NDST3: variants seen among roughly 807,000 people sequenced by gnomAD.
NDST3 encodes the protein bifunctional heparan sulfate N-deacetylase/N-sulfotransferase 3.
In NDST3, 58 loss-of-function variants were observed where a neutral mutation model predicts 96.1. That is an observed-to-expected ratio of 0.60 (90% CI 0.49 to 0.75). The LOEUF (loss-of-function observed/expected upper bound fraction) is 0.75, where lower values mean the gene tolerates loss of function less well. NDST3 is among the 30% of genes least tolerant of loss of function. The probability of loss-of-function intolerance (pLI) is 0.00; values close to 1 mark genes in which losing one functional copy is unlikely to be tolerated. For missense variants in NDST3, 788 were observed against 1,034.2 expected, an observed-to-expected ratio of 0.76 and a Z score of 3.27; for synonymous variants, 333 against 359.7, an observed-to-expected ratio of 0.93 and a Z score of 0.84.
At chr4:118,095,383 G>C (rs1161625099) in intron 2 of NDST3, among the ~76,000 whole-genome samples, 1 of 151,820 alleles carries the variant, frequency 6.6e-6, no homozygotes, top group Non-Finnish European at 1.5e-5. Flanking sequence ...CTTCCCAACA[G>C]TTCATTGTGT....
intron 6 of NDST3, among the ~76,000 whole-genome samples, chr4:118,170,420 A>G (rs547350292): frequency 2.0e-5 from 3 of 152,244 alleles, no homozygotes; most frequent in Admixed American, 2.0e-4. Flanking sequence ...TAAAAAATAA[A>G]GAGAGAGACC....
intron 2 of NDST3, among the ~76,000 whole-genome samples, chr4:118,063,866 T>A (rs1051120822): frequency 2.6e-5 from 4 of 152,236 alleles, no homozygotes; most frequent in African/African-American, 4.8e-5. Context: ...CTTTTCCACC[T>A]CATGTGCTTC....
chr4:118,245,765 T>C (rs996387689), intron 12 of NDST3, among the ~76,000 whole-genome samples: 3 of 152,166 alleles, frequency 2.0e-5, no homozygotes, highest in Admixed American at 2.0e-4. Context: ...TCAAAATAAA[T>C]ATACATTTAT....
At chr4:118,143,225 T>G (rs765902341) in intron 5 of NDST3, among the ~76,000 whole-genome samples, 8 of 152,176 alleles carry the variant, frequency 5.3e-5, no homozygotes, top group Non-Finnish European at 1.2e-4. Flanking sequence ...TTTTAAAGTC[T>G]CATTTTTACT....
chr4:118,085,439 G>A (rs151031020), intron 2 of NDST3, among the ~76,000 whole-genome samples: 7 of 152,198 alleles, frequency 4.6e-5, no homozygotes, highest in Non-Finnish European at 8.8e-5. Flanking sequence ...AAATTGTTCT[G>A]GTTTGTAATT....
rs114369245 is a variant in NDST3 at position 118,059,159 on chromosome 4, T to C, written c.981+4268T>C. Among the ~76,000 whole-genome samples the C allele has an allele frequency of 6.6e-3, 1,004 of 152,180 alleles. 8 individuals carry two copies. The highest frequency in any genetic ancestry group is 0.023 in the African/African-American group (962 of 41,542). ...AAAATTCCTAACATTCTTCGGAAAATGAAGAACCCGCCCAGTCACATCTGA... is the reference window on the plus strand; with the variant it reads ...AAAATTCCTAACATTCTTCGGAAAACGAAGAACCCGCCCAGTCACATCTGA... On this transcript the variant is annotated intron_variant, in intron 2 of 13. Coordinates refer to ENST00000296499, the MANE Select transcript of NDST3 (RefSeq NM_004784.3).
chr4:118,224,619 A>C lies in NDST3; in HGVS notation c.1668A>C (p.Gln556His), dbSNP rs751523298. Reference sequence around the variant, plus strand: ...GACTTCAGACTCTGCCTCCAGTACAACTGGCCCACAAGTATTTTGAGCTGT... The same window carrying C: ...GACTTCAGACTCTGCCTCCAGTACACCTGGCCCACAAGTATTTTGAGCTGT... ...NLRLQTLPPV[Q>H]LAHKYFELFP... The change falls in exon 7 of 14, where the codon CAA becomes CAC. Residue 556 changes from glutamine to histidine, a missense_variant. Gln to His is a conservative substitution (Grantham distance 24). Around this residue, in one of 3 missense-constraint regions of NDST3, gnomAD observed 490 missense variants for 708.8 expected, o/e 0.69. Coordinates refer to ENST00000296499, the MANE Select transcript of NDST3 (RefSeq NM_004784.3). 1 of 1,611,602 alleles carries C rather than the reference A, an allele frequency of 6.2e-7. No individual in the cohort carries two copies. Among genetic ancestry groups the C allele is most frequent in the East Asian group, 2.2e-5 (1 of 44,856 alleles).
intron 6 of NDST3, among the ~76,000 whole-genome samples, chr4:118,163,531 C>T (rs1049997258): frequency 1.1e-4 from 17 of 151,800 alleles, no homozygotes; most frequent in African/African-American, 4.8e-5. Context: ...TATTCTCACT[C>T]ATAGGTGGGA....
chr4:118,138,132 T>C lies in NDST3; in HGVS notation c.1303T>C (p.Tyr435His), dbSNP rs1177620695. Residue 435 changes from tyrosine (Y) to histidine (H), a missense_variant, in exon 5 of 14, where the codon TAT becomes CAT. Physicochemically the swap from Tyr to His is moderately conservative, Grantham distance 83. Around this residue, in one of 3 missense-constraint regions of NDST3, gnomAD observed 490 missense variants for 708.8 expected, o/e 0.69. Coordinates refer to ENST00000296499, the MANE Select transcript of NDST3 (RefSeq NM_004784.3). ...CGTCTACCCTGTACATGTTCAGCTT[T>C]ATGAGGCCTGGAAGAAGGTCTGGAA... ...SGVYPVHVQL[Y>H]EAWKKVWNIK... 1.2e-6 allele frequency: 2 copies of C among 1,614,028 alleles called. No homozygotes were observed. The highest frequency in any genetic ancestry group is 1.7e-5 in the Admixed American group (1 of 60,008).
At chr4:118,108,311 A>AT (rs1395466233) in intron 3 of NDST3, among the ~76,000 whole-genome samples, 1 of 152,154 alleles carries the variant, frequency 6.6e-6, no homozygotes, top group Non-Finnish European at 1.5e-5. Context: ...TTTTTACTAA[A>AT]TTTTTTCTGA....
intron 2 of NDST3, among the ~76,000 whole-genome samples, chr4:118,095,764 C>T (rs542268407): frequency 6.6e-6 from 1 of 151,888 alleles, no homozygotes; most frequent in Non-Finnish European, 1.5e-5. Flanking sequence ...CACCAATCTA[C>T]TCTCTCTATC....
intron 6 of NDST3, among the ~76,000 whole-genome samples, chr4:118,158,337 A>C (rs1442267445): frequency 1.3e-5 from 2 of 152,204 alleles, no homozygotes; most frequent in African/African-American, 2.4e-5. Flanking sequence ...AAAAAGGGAA[A>C]CAGTCACTCA....
At chr4:118,069,550 G>T (rs151212752) in intron 2 of NDST3, among the ~76,000 whole-genome samples, 2 of 151,852 alleles carry the variant, frequency 1.3e-5, no homozygotes, top group African/African-American at 4.8e-5. Flanking sequence ...CACGCACTTT[G>T]TAATGAAAAT....
intron 6 of NDST3, among the ~76,000 whole-genome samples, chr4:118,176,685 A>G (rs537959881): frequency 6.6e-6 from 1 of 152,232 alleles, no homozygotes; most frequent in South Asian, 2.1e-4. Context: ...ATTAAGAAAT[A>G]TTTATTAAAC....
chr4:118,225,201 C>T (rs1267793139), intron 7 of NDST3, among the ~76,000 whole-genome samples: 1 of 152,158 alleles, frequency 6.6e-6, no homozygotes. Context: ...GGGAAAATCA[C>T]TGAGCTTCTT....
intron 2 of NDST3, among the ~76,000 whole-genome samples, chr4:118,101,775 C>T (rs1232859379): frequency 6.6e-6 from 1 of 152,012 alleles, no homozygotes; most frequent in Non-Finnish European, 1.5e-5. Flanking sequence ...TTCATAACTA[C>T]ATAAGTATGT....
At chr4:118,137,450 A>AT (rs1241297691) in intron 4 of NDST3, among the ~76,000 whole-genome samples, 1 of 151,926 alleles carries the variant, frequency 6.6e-6, no homozygotes, top group African/African-American at 2.4e-5. Flanking sequence ...AACTTTCACT[A>AT]TAAGGGCTTC....
intron 4 of NDST3, among the ~76,000 whole-genome samples, chr4:118,135,602 T>C (rs1247862964): frequency 6.6e-6 from 1 of 152,182 alleles, no homozygotes; most frequent in East Asian, 1.9e-4. Context: ...TTAGAGCTCA[T>C]AGGTCATTTG....
At position 118,163,153 on chromosome 4, in the gene NDST3, G is replaced by A. The variant is rs1256758172; in HGVS notation, c.1539+19469G>A. 3.3e-5 allele frequency among the ~76,000 whole-genome samples: 5 copies of A among 152,158 alleles called. No individual in the cohort carries two copies. In the East Asian group the frequency reaches 5.8e-4, roughly 18 times the overall value. ...TTGGAACACTTCTACACTGTTGGTG[G>A]GACTGTAAACTAGTTCAACCATTGT... On this transcript the variant is annotated intron_variant, in intron 6 of 13. Transcript: ENST00000296499.
Sources: allele counts gnomAD v4.1 joint callset (sites outside exome capture counted in the v4.1 genomes callset), GRCh38; gene constraint gnomAD v4.1.1; regional missense constraint gnomAD v4.1.1; transcripts MANE v1.5; gene names NCBI Gene and HGNC (gene_info 2026-07-23, HGNC 2026-07-21).